The following DUSP15 variants were observed in gnomAD, a reference collection of about 807,000 sequenced individuals.
The protein encoded by DUSP15 is dual specificity phosphatase 15, also known as dual specificity protein phosphatase 15.
In DUSP15, 23 loss-of-function variants were observed where a neutral mutation model predicts 26.3. The ratio of observed to expected loss-of-function variants is 0.87; its 90% CI spans 0.63 to 1.24. DUSP15 has a LOEUF of 1.24. DUSP15 is among the 50% of genes most tolerant of loss of function. The probability of loss-of-function intolerance (pLI) is 0.00; values close to 1 mark genes in which losing one functional copy is unlikely to be tolerated. For missense variants in DUSP15, 364 were observed against 320.6 expected (o/e 1.14, Z -1.03); for synonymous variants, 143 against 135.5 (o/e 1.06, Z -0.39).
chr20:31,865,682 T>A (rs574403198), intron 3 of DUSP15, among the ~76,000 whole-genome samples: 54 of 152,354 alleles, frequency 3.5e-4, no homozygotes, highest in African/African-American at 9.9e-4. Flanking sequence ...GGTTCTCATT[T>A]GTCCATGGCT....
At chr20:31,850,702 G>A (rs1350653110) in intron 6 of DUSP15, 1 of 1,605,560 alleles carries the variant, frequency 6.2e-7, no homozygotes, top group Non-Finnish European at 8.5e-7. Context: ...AAGCAGTCAG[G>A]CACCATCTCA....
rs867115209 is a variant in DUSP15, at chr20:31,848,985, T to C, written c.629-82A>G. ...AGGCAACCCACTGGTGCCCATCTTG[T>C]GCTCATTTCCCATGCCCAAGTCCTG... On this transcript the variant is annotated intron_variant, in intron 8 of 9. Transcript: ENST00000278979. 1.0e-4 allele frequency: 117 copies of C among 1,172,562 alleles called. No individual in the cohort carries two copies. The African/African-American group carries it at 1.7e-3, about 17-fold the overall frequency. The allele number at this position is 1,172,562 out of a possible 1,614,324, so 72.6% of individuals were successfully genotyped here. A position where few individuals can be genotyped will look rare whatever the true frequency, so the allele number is the denominator to read the frequency against.
In DUSP15 at chr20:31,861,422, G is replaced by A. The variant is rs1854016714; in HGVS notation, c.689C>T (p.Ser230Phe). ...QTFSCLPRCL[S>F]RKGGK is the part of the protein sequence containing the mutation. ...GCATCCTCACTTGCCGCCCTTGCGG[G>A]ACAGACACCGGGGGAGGCAAGAGAA... The change falls in exon 7 of 7, where the codon TCC becomes TTC. Residue 230 changes from serine (S) to phenylalanine (F), a missense_variant. Ser to Phe is a radical substitution (Grantham distance 155). Coordinates refer to ENST00000339738, the MANE Select transcript of DUSP15 (RefSeq NM_080611.5). 2 of 1,560,914 alleles carry A rather than the reference G, an allele frequency of 1.3e-6. No homozygotes were observed. Among genetic ancestry groups the A allele is most frequent in the South Asian group, 2.3e-5 (2 of 85,316 alleles).
chr20:31,864,205 C>A, intron 4 of DUSP15: 1 of 1,334,470 alleles, frequency 7.5e-7, no homozygotes, highest in South Asian at 1.7e-5. Flanking sequence ...CCAGTCAGGA[C>A]AAATCTCACC....
intron 6 of DUSP15, among the ~76,000 whole-genome samples, chr20:31,853,986 T>C (rs992882493): frequency 1.3e-5 from 2 of 152,054 alleles, no homozygotes; most frequent in Non-Finnish European, 2.9e-5. Flanking sequence ...TGGAGCCTGA[T>C]GAACAGCTGG....
exon 9 of DUSP15, chr20:31,848,886 T>G (rs2062414387): frequency 1.2e-6 from 2 of 1,611,858 alleles, no homozygotes; most frequent in Non-Finnish European, 1.7e-6. Context: ...ATCTGGTACT[T>G]TGGGTCCGGT....
chr20:31,861,690 T>C lies in DUSP15; in HGVS notation c.436-15A>G, dbSNP rs764985414. On this transcript the variant is annotated splice_polypyrimidine_tract_variant and intron_variant, in intron 6 of 6. Transcript: ENST00000339738. ...TGCCGGCGAAGCTGGGGTGGGCGGG[T>C]GAGGTGGGCGGGGTCAAGGCCGGCG... 3.5e-4 allele frequency: 315 copies of C among 893,100 alleles called. 4 individuals are homozygous for C. The South Asian group carries it at 5.4e-3, about 15-fold the overall frequency. The allele number at this position is 893,100 out of a possible 1,614,324, so 55.3% of individuals were successfully genotyped here.
chr20:31,870,619 G>T (rs2062905396), upstream of DUSP15: 1 of 1,353,490 alleles, frequency 7.4e-7, no homozygotes, highest in Non-Finnish European at 9.5e-7. The surrounding 1 kb of genome is among the most constrained non-coding windows in gnomAD (Gnocchi z 6.6). Context: ...GCGGCGGGGG[G>T]CCGGACAAAG....
chr20:31,863,460 G>A (rs1376281861), intron 5 of DUSP15, among the ~76,000 whole-genome samples: 1 of 152,172 alleles, frequency 6.6e-6, no homozygotes, highest in Non-Finnish European at 1.5e-5. Context: ...GAGAAGTTAA[G>A]GAATGAATGA....
chr20:31,860,819 A>C (rs1223232013), downstream of DUSP15, among the ~76,000 whole-genome samples: 1 of 151,792 alleles, frequency 6.6e-6, no homozygotes, highest in Non-Finnish European at 1.5e-5. Context: ...CGAGAGAAGG[A>C]GGGACTTGGG....
At position 31,862,711 on chromosome 20, in the gene DUSP15, C is replaced by A; in HGVS notation, c.295G>T (p.Val99Leu). 1.2e-6 allele frequency: 2 copies of A among 1,612,230 alleles called. No homozygotes were observed. The highest frequency in any genetic ancestry group is 2.2e-5 in the East Asian group (1 of 44,820). Residue 99 changes from valine to leucine, a missense_variant, in exon 6 of 7, where the codon GTG (valine) becomes TTG (leucine). By Grantham distance (32) the Val-to-Leu change is conservative. Coordinates refer to ENST00000339738, the MANE Select transcript of DUSP15 (RefSeq NM_080611.5). ...FAGISRSTTI[V>L]TAYVMTVTGL... ...GTCACAGTCATCACATACGCTGTCA[C>A]AATCGTGGTGCTGCGAGAGATGCCT...
chr20:31,869,731 C>T, intron 1 of DUSP15, 134 bp from the exon 2 acceptor site: 1 of 1,512,340 alleles, frequency 6.6e-7, no homozygotes, highest in Non-Finnish European at 8.9e-7. Flanking sequence ...GCACTCTCTT[C>T]CCTTTTGTGG....
intron 6 of DUSP15, among the ~76,000 whole-genome samples, chr20:31,854,445 T>C (rs989460234): frequency 3.9e-5 from 6 of 152,196 alleles, no homozygotes; most frequent in East Asian, 1.9e-4. Flanking sequence ...GTGACACTTA[T>C]TGTATTAAGA....
chr20:31,855,270 G>T (rs917084671), intron 6 of DUSP15, among the ~76,000 whole-genome samples: 1 of 152,182 alleles, frequency 6.6e-6, no homozygotes, highest in Non-Finnish European at 1.5e-5. Flanking sequence ...GTTCCTGGGT[G>T]GTTGGGGGGC....
At chr20:31,850,768 G>A in intron 6 of DUSP15, 1 of 1,327,308 alleles carries the variant, frequency 7.5e-7, no homozygotes, top group Non-Finnish European at 1.1e-6. Context: ...AGGGCTGGGT[G>A]AGGAGACCCA....
Position 31,862,719 on chromosome 20 carries a change from G to A in DUSP15, c.287C>T (p.Thr96Ile). The A allele has an allele frequency of 1.2e-6, 2 of 1,610,266 alleles. No individual in the cohort carries two copies. Among genetic ancestry groups the A allele is most frequent in the Non-Finnish European group, 1.7e-6 (2 of 1,177,254 alleles). Residue 96 changes from threonine to isoleucine, a missense_variant, in exon 6 of 7, where the codon ACC (threonine) becomes ATC (isoleucine). Physicochemically the swap from Thr to Ile is moderately conservative, Grantham distance 89. Coordinates refer to ENST00000339738, the MANE Select transcript of DUSP15 (RefSeq NM_080611.5). ...VHCFAGISRS[T>I]TIVTAYVMTV... ...CATCACATACGCTGTCACAATCGTG[G>A]TGCTGCGAGAGATGCCTGCAAAGCT...
At chr20:31,856,215 A>C (rs1232578097), downstream of DUSP15, among the ~76,000 whole-genome samples, 1 of 152,224 alleles carries the variant, frequency 6.6e-6, no homozygotes, top group Non-Finnish European at 1.5e-5. Flanking sequence ...TAACGGTGAT[A>C]AAGACATGAA....
intron 2 of DUSP15, 139 bp from the exon 3 acceptor site, chr20:31,867,292 T>TC (rs2062789395): frequency 2.9e-6 from 2 of 701,006 alleles, no homozygotes; most frequent in African/African-American, 3.5e-5. Context: ...GGCTCCCTGA[T>TC]CCTCTTGCTT....
At chr20:31,854,285 G>A (rs1303718501) in intron 6 of DUSP15, among the ~76,000 whole-genome samples, 1 of 152,188 alleles carries the variant, frequency 6.6e-6, no homozygotes, top group East Asian at 1.9e-4. Context: ...GTGGGTGCCA[G>A]GAGTGAGACT....
Sources: allele counts gnomAD v4.1 joint callset (sites outside exome capture counted in the v4.1 genomes callset), GRCh38; gene constraint gnomAD v4.1.1; non-coding constraint Gnocchi (gnomAD v3.1); transcripts MANE v1.5; gene names NCBI Gene and HGNC (gene_info 2026-07-23, HGNC 2026-07-21).